Variants in RRP1B observed in about 807,000 individuals in gnomAD.
RRP1B encodes ribosomal RNA processing 1B.
RRP1B carries 56 observed loss-of-function variants against 80.2 expected under a neutral mutation model. That is an observed-to-expected ratio of 0.70 (90% CI 0.56 to 0.87). The LOEUF is 0.87. RRP1B is among the 40% of genes least tolerant of loss of function. RRP1B has a pLI of 0.00. For synonymous variants in RRP1B, 351 were observed against 357.6 expected, an observed-to-expected ratio of 0.98 and a Z score of 0.21; for missense variants, 807 against 939.8, an observed-to-expected ratio of 0.86 and a Z score of 1.85.
chr21:43,674,521 T>TAAAAGTAAAAA, intron 4 of RRP1B, 115 bp from the exon 5 acceptor site: 1 of 745,180 alleles, frequency 1.3e-6, no homozygotes. Flanking sequence ...ACTTTTGGGA[T>TAAAAGTAAAAA]CCAGGCCATA....
chr21:43,667,521 A>G (rs1601751643), intron 1 of RRP1B, among the ~76,000 whole-genome samples: 1 of 151,660 alleles, frequency 6.6e-6, no homozygotes, highest in African/African-American at 2.4e-5. Flanking sequence ...CTGGTCTCAA[A>G]CTCCTGAGCT....
chr21:43,690,666 CAT>C (rs2083082729), intron 14 of RRP1B, among the ~76,000 whole-genome samples: 1 of 152,222 alleles, frequency 6.6e-6, no homozygotes, highest in African/African-American at 2.4e-5. Context: ...TTGATCCACA[CAT>C]TCTGCCTCCC....
chr21:43,681,261 CAGATAGATAGATAGAT>C lies in RRP1B; in HGVS notation c.797-1990_797-1975del, dbSNP rs372143608. On this transcript the variant is annotated intron_variant, in intron 8 of 15. Coordinates refer to ENST00000340648, the MANE Select transcript of RRP1B (RefSeq NM_015056.3). Reference sequence around the variant, plus strand: ...CTGTCTCAAAAAATAAATAAATAAACAGATAGATAGATAGATAGATAGATAGATAGATAGATAGATA... The same window carrying C: ...CTGTCTCAAAAAATAAATAAATAAACAGATAGATAGATAGATAGATAGATA... Among the ~76,000 whole-genome samples, 696 of 149,752 alleles carry C rather than the reference CAGATAGATAGATAGAT, an allele frequency of 4.6e-3. 2 individuals carry two copies. Among genetic ancestry groups the C allele is most frequent in the African/African-American group, 0.015 (608 of 40,674 alleles).
intron 8 of RRP1B, 60 bp downstream of exon 8, chr21:43,676,974 C>A (rs907318467): frequency 1.3e-6 from 2 of 1,519,834 alleles, no homozygotes; most frequent in Non-Finnish European, 9.0e-7. Context: ...CTCAGACAAA[C>A]AGTTTTTAAT....
intron 11 of RRP1B, 173 bp from the exon 12 acceptor site, chr21:43,686,631 C>A: frequency 1.4e-6 from 1 of 707,414 alleles, no homozygotes; most frequent in Non-Finnish European, 2.2e-6. Context: ...GAGAAATCCA[C>A]AAAGCTTTTT....
At chr21:43,683,423 G>A in intron 9 of RRP1B, 50 bp downstream of exon 9, 3 of 1,448,642 alleles carry the variant, frequency 2.1e-6, no homozygotes, top group Non-Finnish European at 2.9e-6. Context: ...CTGTGGAGTA[G>A]CCTGACTAGA....
intron 6 of RRP1B, among the ~76,000 whole-genome samples, chr21:43,675,927 G>A (rs2083020246): frequency 6.7e-6 from 1 of 149,130 alleles, no homozygotes; most frequent in African/African-American, 2.5e-5. Flanking sequence ...TAGTGTTTGT[G>A]TATTTTAGGT....
chr21:43,679,228 G>GTT (rs1347620609), intron 8 of RRP1B, among the ~76,000 whole-genome samples: 1 of 145,168 alleles, frequency 6.9e-6, no homozygotes, highest in African/African-American at 2.8e-5. Flanking sequence ...TTTTTTGTGT[G>GTT]TCTTTTTTTT....
Position 43,685,714 on chromosome 21 carries a change from T to C in RRP1B, c.990-56T>C, listed in dbSNP as rs914293399. ...ATGTCTACAGAAGACAGAAGGGATTTCTTTATGAACATTTGTTATTTTTTT... is the reference window on the plus strand; with the variant it reads ...ATGTCTACAGAAGACAGAAGGGATTCCTTTATGAACATTTGTTATTTTTTT... On this transcript the variant is annotated intron_variant, in intron 10 of 15. Coordinates refer to ENST00000340648, the MANE Select transcript of RRP1B (RefSeq NM_015056.3). The C allele has an allele frequency of 9.3e-5, 121 of 1,296,524 alleles. No homozygotes were observed. The Admixed American group carries it at 1.1e-3, about 12-fold the overall frequency. 80.3% of individuals were successfully genotyped at this position (1,296,524 alleles called of 1,614,324 possible). A position where few individuals can be genotyped will look rare whatever the true frequency, so the allele number is the denominator to read the frequency against.
Position 43,687,705 on chromosome 21 carries a change from C to A in RRP1B, c.1331C>A (p.Ala444Asp). 1 of 1,610,898 alleles carries A rather than the reference C, an allele frequency of 6.2e-7. No individual in the cohort carries two copies. The highest frequency in any genetic ancestry group is 1.1e-5 in the South Asian group (1 of 91,020). ...SGLKALKARVAEPGAEATSST... is the reference protein window; with the variant it reads ...SGLKALKARVDEPGAEATSST... ...CTGAAAGCCCTGAAGGCACGTGTGGCCGAGCCAGGTGCAGAGGCCACGTCC... is the reference window on the plus strand; with the variant it reads ...CTGAAAGCCCTGAAGGCACGTGTGGACGAGCCAGGTGCAGAGGCCACGTCC... Residue 444 changes from alanine to aspartate, a missense_variant, in exon 13 of 16, where the codon GCC (alanine) becomes GAC (aspartate). Transcript: ENST00000340648.
chr21:43,672,653 G>T (rs1011530764), intron 3 of RRP1B, among the ~76,000 whole-genome samples: 1 of 152,126 alleles, frequency 6.6e-6, no homozygotes, highest in Non-Finnish European at 1.5e-5. Flanking sequence ...CAGGGTCCAC[G>T]GTGACCTCTG....
At position 43,659,569 on chromosome 21, in the gene RRP1B, C is replaced by A. The variant is rs559493054; in HGVS notation, c.-96C>A. The A allele has an allele frequency of 7.3e-6, 9 of 1,231,462 alleles. No homozygotes were observed. The South Asian group carries it at 1.2e-4, about 16-fold the overall frequency. The allele number at this position is 1,231,462 out of a possible 1,614,324, so 76.3% of individuals were successfully genotyped here. On this transcript the variant is annotated 5_prime_UTR_variant, in exon 1 of 16. Coordinates refer to ENST00000340648, the MANE Select transcript of RRP1B (RefSeq NM_015056.3). This position sits in a 1 kb window ranked among gnomAD's most constrained non-coding sequence, Gnocchi z 4.2. ...CCGCCGCCGCCGCCTTCTGTGCAGT[C>A]GCGGCCCGGGCGGACGGTGGCTGGC...
rs201846474 is a variant in RRP1B at position 43,667,055 on chromosome 21, CACTT to C, written c.131-2824_131-2821del. 8.7e-3 allele frequency among the ~76,000 whole-genome samples: 1,308 copies of C among 151,106 alleles called. 14 individuals are homozygous for C. The highest frequency in any genetic ancestry group is 0.029 in the African/African-American group (1,185 of 41,154). On this transcript the variant is annotated intron_variant, in intron 1 of 15. Transcript: ENST00000340648. ...CACAGTTGGGTGTTTTTTTTTTTGACACTTACTTTTGTAAGAATACTTCATAGGT... is the reference window on the plus strand; with the variant it reads ...CACAGTTGGGTGTTTTTTTTTTTGACACTTTTGTAAGAATACTTCATAGGT...
chr21:43,671,676 G>A (rs1282710909), intron 2 of RRP1B, among the ~76,000 whole-genome samples: 1 of 150,096 alleles, frequency 6.7e-6, no homozygotes. Context: ...GCCCAGCTTA[G>A]ATGGGGGTTT....
rs756810871 is a variant in RRP1B at position 43,675,018 on chromosome 21, G to A, written c.420-16G>A. The A allele has an allele frequency of 3.1e-6, 5 of 1,613,302 alleles. No homozygotes were observed. Among genetic ancestry groups the A allele is most frequent in the Admixed American group, 3.3e-5 (2 of 59,876 alleles). On this transcript the variant is annotated splice_polypyrimidine_tract_variant and intron_variant, in intron 5 of 15. Coordinates refer to ENST00000340648, the MANE Select transcript of RRP1B (RefSeq NM_015056.3). Reference sequence around the variant, plus strand: ...GGCATACTGTCATTCACAGAAGCATGCGTTTGGTTCTTTAGCCGAATCAAG... The same window carrying A: ...GGCATACTGTCATTCACAGAAGCATACGTTTGGTTCTTTAGCCGAATCAAG...
chr21:43,684,303 C>T (rs1006746295), intron 9 of RRP1B, among the ~76,000 whole-genome samples: 3 of 151,838 alleles, frequency 2.0e-5, no homozygotes, highest in East Asian at 1.9e-4. Context: ...GATGTCCTGA[C>T]CTTGTGATCC....
intron 8 of RRP1B, among the ~76,000 whole-genome samples, chr21:43,677,344 T>C (rs2083027016): frequency 6.6e-6 from 1 of 152,226 alleles, no homozygotes; most frequent in Non-Finnish European, 1.5e-5. Context: ...GGAATGTTTT[T>C]CTTTTTCTTG....
At position 43,676,850 on chromosome 21, in the gene RRP1B, C is replaced by G. The variant is rs761696381; in HGVS notation, c.732C>G (p.Leu244=). ...AGACAAAAGTGGGTGATGGTGACCT[C>G]TCTGCTGAGGAGATACCTGAAAATG... is the stretch of plus-strand genomic sequence containing the variant. ...EQKTKVGDGD[L]SAEEIPENEV... Residue 244 remains leucine, a synonymous_variant, in exon 8 of 16, where the codon CTC becomes CTG. Transcript: ENST00000340648. The G allele has an allele frequency of 8.7e-6, 14 of 1,614,098 alleles. No individual in the cohort carries two copies. The Admixed American group carries it at 1.3e-4, about 15-fold the overall frequency.
intron 6 of RRP1B, among the ~76,000 whole-genome samples, chr21:43,675,855 T>TTTTA (rs2083019761): frequency 7.3e-6 from 1 of 137,668 alleles, no homozygotes; most frequent in Non-Finnish European, 1.5e-5. Flanking sequence ...TTTTATTTTA[T>TTTTA]TTTATTTTAT....
Sources: allele counts gnomAD v4.1 joint callset (sites outside exome capture counted in the v4.1 genomes callset), GRCh38; gene constraint gnomAD v4.1.1; non-coding constraint Gnocchi (gnomAD v3.1); transcripts MANE v1.5; gene names NCBI Gene and HGNC (gene_info 2026-07-23, HGNC 2026-07-21).